The following UNC13A variants were observed in gnomAD, a reference collection of about 807,000 sequenced individuals.
The protein encoded by UNC13A is unc-13 homolog A.
In UNC13A, 61 loss-of-function variants were observed where a neutral mutation model predicts 219.7. The ratio of observed to expected loss-of-function variants is 0.28; its 90% CI spans 0.23 to 0.34. The LOEUF (loss-of-function observed/expected upper bound fraction) is 0.34, where lower values mean the gene tolerates loss of function less well. Ranked by LOEUF, UNC13A falls within the 10% of genes least tolerant of loss-of-function variation. The pLI is 1.00. For synonymous variants in UNC13A, 920 were observed against 884.6 expected (o/e 1.04, Z -0.71); for missense variants, 1,476 against 2,270.3 (o/e 0.65, Z 7.11).
intron 4 of UNC13A, among the ~76,000 whole-genome samples, chr19:17,670,074 G>C (rs1301183118): frequency 6.6e-6 from 1 of 150,942 alleles, no homozygotes; most frequent in East Asian, 2.0e-4. Flanking sequence ...AGCTTCCCGA[G>C]TAGCTGGGAC....
intron 8 of UNC13A, among the ~76,000 whole-genome samples, chr19:17,660,455 A>G (rs1053636400): frequency 2.6e-5 from 4 of 150,950 alleles, no homozygotes; most frequent in African/African-American, 9.8e-5. Context: ...TTTCGGTTCA[A>G]TTGTCTTTCC....
In UNC13A at chr19:17,627,455, G is replaced by A. The variant is rs1368216358; in HGVS notation, c.3920+54C>T. ...TGAGCCTCCAGATGCCCCAGGCTTA[G>A]AGGGCTGAAGGCTGTTCCCTCCCCA... On this transcript the variant is annotated intron_variant, in intron 33 of 43. Transcript: ENST00000519716. This position sits in a 1 kb window ranked among gnomAD's most constrained non-coding sequence, Gnocchi z 4.7. 7.1e-7 allele frequency: 1 copy of A among 1,400,142 alleles called. No homozygotes were observed. Among genetic ancestry groups the A allele is most frequent in the African/African-American group, 1.4e-5 (1 of 69,970 alleles). 86.7% of individuals were successfully genotyped at this position (1,400,142 alleles called of 1,614,324 possible).
chr19:17,651,794 GT>G (rs1393718975), intron 12 of UNC13A, among the ~76,000 whole-genome samples: 1 of 152,152 alleles, frequency 6.6e-6, no homozygotes, highest in Non-Finnish European at 1.5e-5. Context: ...TTATTTAGGA[GT>G]CCCAGCTGCT....
At chr19:17,642,729 C>A in intron 20 of UNC13A, 116 bp downstream of exon 20, 1 of 815,450 alleles carries the variant, frequency 1.2e-6, no homozygotes. Flanking sequence ...AATGGCATGG[C>A]GGGCAGTCTC....
chr19:17,632,206 C>T (rs551819001), intron 28 of UNC13A, among the ~76,000 whole-genome samples: 12 of 152,236 alleles, frequency 7.9e-5, no homozygotes, highest in Admixed American at 3.9e-4. Flanking sequence ...CCACTGCGCC[C>T]GGCCAATTTT....
intron 1 of UNC13A, among the ~76,000 whole-genome samples, chr19:17,686,785 C>T (rs1031665428): frequency 2.3e-5 from 3 of 131,300 alleles, no homozygotes; most frequent in Non-Finnish European, 4.9e-5. Context: ...GGGGAGCGGG[C>T]GGGCGGGGCA....
rs1449760967 is a variant in UNC13A, at chr19:17,639,536, C to T, written c.2857-11G>A. ...GGCTGGGAAGTTATTCTGTTGGGAG[C>T]AGGAAGAGATGTGGGGTTATGGAAG... On this transcript the variant is annotated splice_polypyrimidine_tract_variant and intron_variant, in intron 23 of 43. Coordinates refer to ENST00000519716, the MANE Select transcript of UNC13A (RefSeq NM_001080421.3). 1 of 1,611,424 alleles carries T rather than the reference C, an allele frequency of 6.2e-7. No individual in the cohort carries two copies. Among genetic ancestry groups the T allele is most frequent in the South Asian group, 1.1e-5 (1 of 90,682 alleles).
Position 17,627,852 on chromosome 19 carries a change from C to G in UNC13A, c.3831+11G>C. ...CATCCCTTCTCCAGCCCTGCCTCGGCCCTGCCTCACCTCCTTTCCTCCCAT... is the reference window on the plus strand; with the variant it reads ...CATCCCTTCTCCAGCCCTGCCTCGGGCCTGCCTCACCTCCTTTCCTCCCAT... On this transcript the variant is annotated intron_variant, in intron 32 of 43. Transcript: ENST00000519716. This position sits in a 1 kb window ranked among gnomAD's most constrained non-coding sequence, Gnocchi z 4.7. 1 of 1,594,222 alleles carries G rather than the reference C, an allele frequency of 6.3e-7. No homozygotes were observed.
At chr19:17,645,317 G>T (rs2077014579) in intron 19 of UNC13A, among the ~76,000 whole-genome samples, 1 of 152,090 alleles carries the variant, frequency 6.6e-6, no homozygotes, top group Non-Finnish European at 1.5e-5. Context: ...CCCCAGCCTG[G>T]ATTCTTAAAG....
chr19:17,686,216 C>A (rs867820663), intron 1 of UNC13A, among the ~76,000 whole-genome samples: 172 of 147,326 alleles, frequency 1.2e-3, no homozygotes, highest in African/African-American at 4.3e-3. Context: ...AGCCTCATCC[C>A]TCTTGCCTCC....
At chr19:17,606,437 G>A in intron 43 of UNC13A, 83 bp from the exon 44 acceptor site, 2 of 1,491,228 alleles carry the variant, frequency 1.3e-6, no homozygotes, top group Non-Finnish European at 1.8e-6. Context: ...CGCATTTGCG[G>A]GCCACGCCCA....
At chr19:17,661,586 C>T (rs902256719) in intron 8 of UNC13A, among the ~76,000 whole-genome samples, 10 of 151,702 alleles carry the variant, frequency 6.6e-5, no homozygotes, top group Non-Finnish European at 1.0e-4. Flanking sequence ...CCCAACTACT[C>T]GGGAGGCTGA....
intron 41 of UNC13A, among the ~76,000 whole-genome samples, chr19:17,615,263 C>A (rs891516464): frequency 6.6e-6 from 1 of 152,178 alleles, no homozygotes; most frequent in East Asian, 1.9e-4. Flanking sequence ...GTGGGAGGAT[C>A]ATTTGAGGCC....
At chr19:17,646,738 T>C (rs2077031261) in intron 17 of UNC13A, among the ~76,000 whole-genome samples, 1 of 152,088 alleles carries the variant, frequency 6.6e-6, no homozygotes, top group South Asian at 2.1e-4. Context: ...ACTTCCTGGA[T>C]AACCCACATA....
At chr19:17,687,979 G>A (rs1283326339) in intron 1 of UNC13A, among the ~76,000 whole-genome samples, 199 bp downstream of exon 1, 1 of 150,410 alleles carries the variant, frequency 6.6e-6, no homozygotes, top group African/African-American at 2.5e-5. Context: ...CGGCCACCAG[G>A]ACCCCCGAGA....
chr19:17,653,889 C>G (rs544851961), intron 11 of UNC13A, among the ~76,000 whole-genome samples: 1 of 141,176 alleles, frequency 7.1e-6, no homozygotes, highest in Non-Finnish European at 1.5e-5. Context: ...TGCAGTGGCG[C>G]GATCTCGGCT....
intron 30 of UNC13A, 120 bp downstream of exon 30, chr19:17,630,025 A>T: frequency 8.5e-7 from 1 of 1,181,088 alleles, no homozygotes; most frequent in Non-Finnish European, 1.2e-6. Flanking sequence ...CTTCAATCCC[A>T]ACCTCAATGA....
At chr19:17,630,000 C>G (rs2076825192) in intron 30 of UNC13A, 145 bp downstream of exon 30, 1 of 966,130 alleles carries the variant, frequency 1.0e-6, no homozygotes, top group Non-Finnish European at 1.5e-6. Context: ...ACTCCAACCT[C>G]AACCCAAACT....
At chr19:17,620,296 A>T (rs570871087) in intron 38 of UNC13A, among the ~76,000 whole-genome samples, 2 of 152,084 alleles carry the variant, frequency 1.3e-5, no homozygotes, top group Admixed American at 6.5e-5. Flanking sequence ...ATTTGGAATT[A>T]TGTTCATAGT....
Sources: allele counts gnomAD v4.1 joint callset (sites outside exome capture counted in the v4.1 genomes callset), GRCh38; gene constraint gnomAD v4.1.1; non-coding constraint Gnocchi (gnomAD v3.1); transcripts MANE v1.5; gene names NCBI Gene and HGNC (gene_info 2026-07-23, HGNC 2026-07-21).